The following PDE1C variants were observed in gnomAD, a reference collection of about 807,000 sequenced individuals.
The protein encoded by PDE1C is phosphodiesterase 1C, also known as dual specificity calcium/calmodulin-dependent 3',5'-cyclic nucleotide phosphodiesterase 1C.
PDE1C carries 62 observed loss-of-function variants against 93.1 expected under a neutral mutation model. The ratio of observed to expected loss-of-function variants is 0.67; its 90% CI spans 0.54 to 0.82. The LOEUF is 0.82. Among genes scored for constraint, PDE1C ranks in the 40% least tolerant of loss-of-function variants. The probability of loss-of-function intolerance (pLI) is 0.00; values close to 1 mark genes in which losing one functional copy is unlikely to be tolerated. For synonymous variants in PDE1C, 325 were observed against 310.1 expected (o/e 1.05, Z -0.50); for missense variants, 742 against 884.6 (o/e 0.84, Z 2.04).
intron 1 of PDE1C, among the ~76,000 whole-genome samples, chr7:32,068,159 A>T (rs890031232): frequency 6.6e-6 from 1 of 152,180 alleles, no homozygotes; most frequent in Non-Finnish European, 1.5e-5. Context: ...ATGAAAATCC[A>T]ATTATGGTTT....
At chr7:31,737,327 T>A in the PDE1C span, among the ~76,000 whole-genome samples, 1 of 152,056 alleles carries the variant, frequency 6.6e-6, no homozygotes, top group Non-Finnish European at 1.5e-5. Flanking sequence ...TATAGATAAA[T>A]GAATACCACC....
At chr7:31,910,094 T>A (rs951289798) in intron 2 of PDE1C, among the ~76,000 whole-genome samples, 1 of 152,170 alleles carries the variant, frequency 6.6e-6, no homozygotes, top group African/African-American at 2.4e-5. Flanking sequence ...CTATGCAATA[T>A]ATATTTTTCC....
At chr7:31,991,879 C>G (rs138108281) in intron 2 of PDE1C, among the ~76,000 whole-genome samples, 1 of 152,180 alleles carries the variant, frequency 6.6e-6, no homozygotes, top group Non-Finnish European at 1.5e-5. Context: ...ACACAGCCTG[C>G]AAAAATTCTG....
rs911227930 is a variant in PDE1C, at chr7:31,752,489, C to G, written c.*895G>C. 3.3e-5 allele frequency: 5 copies of G among 151,904 alleles called. No homozygotes were observed. Among genetic ancestry groups the G allele is most frequent in the Non-Finnish European group, 7.4e-5 (5 of 67,912 alleles). The allele number at this position is 151,904 out of a possible 1,614,324, so 9.4% of individuals were successfully genotyped here. ...TAAATTCTTTATTTTCAGTCCAGAA[C>G]AATCTGAAAATAAAGAATTTAAACT... On this transcript the variant is annotated 3_prime_UTR_variant, in exon 18 of 18. Transcript: ENST00000396191.
At chr7:32,237,742 G>GTATGTATATA (rs1554293053) in intron 1 of PDE1C, among the ~76,000 whole-genome samples, 14 of 31,232 alleles carry the variant, frequency 4.5e-4, no homozygotes, top group African/African-American at 1.8e-3. Context: ...TTGGCTCTGT[G>GTATGTATATA]TATATATATA....
At chr7:32,219,529 T>A (rs1260667125) in intron 1 of PDE1C, among the ~76,000 whole-genome samples, 1 of 152,202 alleles carries the variant, frequency 6.6e-6, no homozygotes, top group Non-Finnish European at 1.5e-5. Flanking sequence ...ATGCTCTAAA[T>A]TCAGGTGCTG....
At chr7:32,382,100 C>A (rs1001324008) in intron 1 of PDE1C, among the ~76,000 whole-genome samples, 2 of 151,188 alleles carry the variant, frequency 1.3e-5, no homozygotes, top group African/African-American at 4.8e-5. Context: ...GATCTCACAT[C>A]TGGTAGATGG....
intron 1 of PDE1C, among the ~76,000 whole-genome samples, chr7:32,259,120 C>T (rs1476486922): frequency 2.0e-5 from 3 of 152,138 alleles, no homozygotes; most frequent in Non-Finnish European, 2.9e-5. Context: ...AGGCATTTCA[C>T]GTGGTGTATG....
intron 3 of PDE1C, among the ~76,000 whole-genome samples, chr7:32,083,879 A>G (rs1204231846): frequency 6.6e-6 from 1 of 152,178 alleles, no homozygotes; most frequent in Non-Finnish European, 1.5e-5. Context: ...AAAAACCGGT[A>G]CCAGCTGCTG....
At chr7:32,268,179 G>A (rs968096647) in intron 1 of PDE1C, among the ~76,000 whole-genome samples, 3 of 152,210 alleles carry the variant, frequency 2.0e-5, no homozygotes, top group African/African-American at 7.2e-5. Flanking sequence ...TTGAAGTTCA[G>A]TTCAGTCTTG....
the PDE1C span, among the ~76,000 whole-genome samples, chr7:31,683,645 A>G: frequency 9.9e-5 from 15 of 152,142 alleles, 1 homozygote; most frequent in Admixed American, 9.8e-4. Flanking sequence ...AAACAGGCCT[A>G]TGAATATTCA....
intron 1 of PDE1C, among the ~76,000 whole-genome samples, chr7:32,274,474 C>G (rs1811162663): frequency 6.6e-6 from 1 of 151,106 alleles, no homozygotes; most frequent in South Asian, 2.1e-4. Context: ...TCCCAAAATG[C>G]TGCGATTACA....
At chr7:32,285,110 C>T (rs559078252) in intron 1 of PDE1C, among the ~76,000 whole-genome samples, 1 of 152,126 alleles carries the variant, frequency 6.6e-6, no homozygotes, top group Non-Finnish European at 1.5e-5. Flanking sequence ...TTGGAATCTT[C>T]GGAGCATGGA....
chr7:32,282,275 G>A lies in PDE1C; in HGVS notation c.85+16376C>T, dbSNP rs1020856627. The stretch of plus-strand genomic sequence containing the variant: ...GCAGATCTCCTGAGGCCAGGAGTTC[G>A]AGACCAGCCTGACTAACATGGAGAA... On this transcript the variant is annotated intron_variant, in intron 1 of 18. Coordinates refer to the PDE1C transcript ENST00000396193. 3.5e-4 allele frequency among the ~76,000 whole-genome samples: 53 copies of A among 152,004 alleles called. 1 individual carries two copies. Among genetic ancestry groups the A allele is most frequent in the Admixed American group, 3.4e-3 (52 of 15,274 alleles).
intron 1 of PDE1C, among the ~76,000 whole-genome samples, chr7:32,423,749 C>T (rs1423774236): frequency 2.6e-5 from 4 of 152,156 alleles, no homozygotes; most frequent in Non-Finnish European, 5.9e-5. Flanking sequence ...CAAGACAATG[C>T]TCTAACACTG....
intron 2 of PDE1C, among the ~76,000 whole-genome samples, chr7:31,901,801 G>GA (rs1210861699): frequency 6.6e-6 from 1 of 151,346 alleles, no homozygotes; most frequent in African/African-American, 2.4e-5. Flanking sequence ...GAATTTCCAG[G>GA]AAAAAATACT....
chr7:32,055,276 G>A (rs747024822), intron 1 of PDE1C, among the ~76,000 whole-genome samples: 36 of 152,158 alleles, frequency 2.4e-4, no homozygotes, highest in Admixed American at 1.8e-3. Flanking sequence ...TACACACAGA[G>A]GGAAAGCAAT....
intron 2 of PDE1C, among the ~76,000 whole-genome samples, chr7:31,931,707 T>C (rs78552121): frequency 2.0e-5 from 3 of 152,144 alleles, no homozygotes; most frequent in Non-Finnish European, 1.5e-5. Context: ...TAAGCTAACA[T>C]TGACTTTCTC....
At chr7:32,004,173 C>T (rs1785859573) in intron 2 of PDE1C, among the ~76,000 whole-genome samples, 1 of 152,046 alleles carries the variant, frequency 6.6e-6, no homozygotes, top group African/African-American at 2.4e-5. Flanking sequence ...TCTTGTCAGA[C>T]TTTTGGGTGC....
Sources: allele counts gnomAD v4.1 joint callset (sites outside exome capture counted in the v4.1 genomes callset), GRCh38; gene constraint gnomAD v4.1.1; transcripts MANE v1.5; gene names NCBI Gene and HGNC (gene_info 2026-07-23, HGNC 2026-07-21).